MBD5: variants seen among roughly 807,000 people sequenced by gnomAD.
MBD5 encodes the protein methyl-CpG-binding domain protein 5.
Under a neutral mutation model 117.3 loss-of-function variants are expected in MBD5, and 13 were observed. That is an observed-to-expected ratio of 0.11 (90% CI 0.07 to 0.18). The LOEUF (loss-of-function observed/expected upper bound fraction) is 0.18. MBD5 is among the 10% of genes least tolerant of loss of function. The pLI, the probability that MBD5 is intolerant of heterozygous loss-of-function variation, is 1.00. For missense variants in MBD5, 1,879 were observed against 2,093.8 expected, an observed-to-expected ratio of 0.90 and a Z score of 2.00; for synonymous variants, 727 against 766.4, an observed-to-expected ratio of 0.95 and a Z score of 0.85.
chr2:148,395,836 C>T (rs1484976383), intron 4 of MBD5, among the ~76,000 whole-genome samples: 1 of 152,162 alleles, frequency 6.6e-6, no homozygotes, highest in Non-Finnish European at 1.5e-5. Context: ...GCCACACTCT[C>T]ATGGGCAAGA....
At chr2:148,305,064 C>CA (rs59840091) in intron 3 of MBD5, among the ~76,000 whole-genome samples, 1,503 of 127,958 alleles carry the variant, frequency 0.012, 27 homozygotes, top group African/African-American at 0.033. Flanking sequence ...GACTCCGTCT[C>CA]AAAAAAAAAA....
intron 4 of MBD5, among the ~76,000 whole-genome samples, chr2:148,430,966 AAATT>A (rs1213711477): frequency 2.6e-5 from 4 of 152,172 alleles, no homozygotes; most frequent in African/African-American, 9.6e-5. Context: ...TACCTAGAAT[AAATT>A]TATACTGGCT....
At chr2:148,301,393 T>C (rs530525112) in intron 3 of MBD5, among the ~76,000 whole-genome samples, 78 of 152,092 alleles carry the variant, frequency 5.1e-4, no homozygotes, top group African/African-American at 1.6e-3. Flanking sequence ...TCCATATGGG[T>C]TTTCAACAAC....
intron 1 of MBD5, among the ~76,000 whole-genome samples, chr2:148,053,714 G>A (rs983790264): frequency 6.6e-6 from 1 of 151,830 alleles, no homozygotes; most frequent in Non-Finnish European, 1.5e-5. Flanking sequence ...GTTGGTGTGT[G>A]TACTTATAGT....
intron 4 of MBD5, among the ~76,000 whole-genome samples, chr2:148,369,659 CTT>C (rs1022515318): frequency 6.6e-6 from 1 of 151,990 alleles, no homozygotes; most frequent in African/African-American, 2.4e-5. Context: ...AGTTGTAATA[CTT>C]TTTCTTTTTG....
At chr2:148,037,881 C>A (rs1358702307) in intron 1 of MBD5, among the ~76,000 whole-genome samples, 1 of 151,774 alleles carries the variant, frequency 6.6e-6, no homozygotes, top group Non-Finnish European at 1.5e-5. Context: ...AAGACCAATA[C>A]TAAGGAAATA....
chr2:148,478,585 A>C (rs1028675418), intron 8 of MBD5, among the ~76,000 whole-genome samples: 1 of 152,124 alleles, frequency 6.6e-6, no homozygotes, highest in Non-Finnish European at 1.5e-5. Flanking sequence ...AACCTGTCCT[A>C]CTGGGCAAGC....
chr2:148,506,197 G>A (rs866977618), intron 12 of MBD5, among the ~76,000 whole-genome samples: 4 of 152,068 alleles, frequency 2.6e-5, no homozygotes, highest in Admixed American at 2.6e-4. Flanking sequence ...TATCCTAGTA[G>A]TAACATATTT....
In MBD5 at chr2:148,451,320, G is replaced by T. The variant is rs928308915; in HGVS notation, c.-556-6883G>T. 2.6e-5 allele frequency among the ~76,000 whole-genome samples: 4 copies of T among 152,228 alleles called. No homozygotes were observed. The East Asian group carries it at 7.7e-4, about 29-fold the overall frequency. ...TGAAAATAATAACTAAACCAAAAAT[G>T]GGGCTAGTGTATTGCACAGTTTAAA... On this transcript the variant is annotated intron_variant, in intron 4 of 13. Transcript: ENST00000642680.
intron 3 of MBD5, among the ~76,000 whole-genome samples, chr2:148,298,547 A>G (rs757847343): frequency 2.6e-5 from 4 of 152,190 alleles, no homozygotes; most frequent in Non-Finnish European, 5.9e-5. Flanking sequence ...TTTTATTTTT[A>G]TAATTTTTTA....
At chr2:148,136,905 G>A (rs929558645) in intron 1 of MBD5, among the ~76,000 whole-genome samples, 6 of 152,078 alleles carry the variant, frequency 3.9e-5, no homozygotes, top group Non-Finnish European at 7.4e-5. Flanking sequence ...TGGGATTACA[G>A]GCATGTACCA....
intron 2 of MBD5, among the ~76,000 whole-genome samples, chr2:148,232,110 A>G (rs1383264106): frequency 3.9e-5 from 6 of 152,256 alleles, no homozygotes; most frequent in Non-Finnish European, 5.9e-5. Flanking sequence ...GAGAGAAGAC[A>G]AAGGTCAAAG....
intron 4 of MBD5, among the ~76,000 whole-genome samples, chr2:148,446,047 A>G (rs1187894807): frequency 4.0e-5 from 6 of 150,236 alleles, no homozygotes; most frequent in East Asian, 1.9e-4. Flanking sequence ...TTGTCAGATG[A>G]GTAGGTTGCA....
chr2:148,251,125 C>T (rs1037037203), intron 3 of MBD5, among the ~76,000 whole-genome samples: 1 of 151,994 alleles, frequency 6.6e-6, no homozygotes, highest in Admixed American at 6.6e-5. Context: ...GGGTGTCGGG[C>T]AAAAGGGTGC....
At chr2:148,290,711 CA>C (rs746531004) in intron 3 of MBD5, among the ~76,000 whole-genome samples, 3 of 152,030 alleles carry the variant, frequency 2.0e-5, no homozygotes, top group Non-Finnish European at 2.9e-5. Context: ...TTTCTATTAC[CA>C]AATAATATTT....
chr2:148,502,837 T>C (rs894271976), intron 12 of MBD5: 2 of 419,928 alleles, frequency 4.8e-6, no homozygotes, highest in African/African-American at 4.0e-5. Flanking sequence ...TCTGGAAGTG[T>C]AGTGAATCAA....
intron 3 of MBD5, among the ~76,000 whole-genome samples, chr2:148,238,165 TTC>T (rs1196914287): frequency 6.6e-6 from 1 of 152,228 alleles, no homozygotes; most frequent in Non-Finnish European, 1.5e-5. Context: ...ACATCATTGT[TTC>T]TGTTTTACTG....
In MBD5 at chr2:148,283,540, G is replaced by A. The variant is rs534274149; in HGVS notation, c.-680+50145G>A. ...TTTAGTCCTGAGGTAAGTAGAGCAG[G>A]CATTTCCTTTCCTATTCAGATAAAA... On this transcript the variant is annotated intron_variant, in intron 3 of 13. Coordinates refer to ENST00000642680, the MANE Select transcript of MBD5 (RefSeq NM_001378120.1). Among the ~76,000 whole-genome samples the A allele has an allele frequency of 9.9e-5, 15 of 152,224 alleles. No individual in the cohort carries two copies. The South Asian group carries it at 2.9e-3, about 30-fold the overall frequency.
chr2:148,358,997 C>T (rs113564728), intron 4 of MBD5, among the ~76,000 whole-genome samples: 1 of 151,596 alleles, frequency 6.6e-6, no homozygotes, highest in Non-Finnish European at 1.5e-5. Context: ...TGTGGTGGCT[C>T]AAGCCTGTAA....
Sources: gnomAD v4.1 joint callset for allele counts (sites outside exome capture counted in the v4.1 genomes callset) on GRCh38, gnomAD v4.1.1 for gene constraint, MANE v1.5 for transcripts, NCBI Gene and HGNC (gene_info 2026-07-23, HGNC 2026-07-21) for gene names.